EXOSC10: variants seen among roughly 807,000 people sequenced by gnomAD.
EXOSC10 encodes exosome component 10.
EXOSC10 carries 94 observed loss-of-function variants against 126.6 expected under a neutral mutation model. That is an observed-to-expected ratio of 0.74 (90% CI 0.63 to 0.88). The LOEUF (loss-of-function observed/expected upper bound fraction) is 0.88, where lower values mean the gene tolerates loss of function less well. Among genes scored for constraint, EXOSC10 ranks in the 40% least tolerant of loss-of-function variants. EXOSC10 has a pLI of 0.00. For missense variants in EXOSC10, 1,041 were observed against 1,100.5 expected, an observed-to-expected ratio of 0.95 and a Z score of 0.77; for synonymous variants, 395 against 400.8, an observed-to-expected ratio of 0.99 and a Z score of 0.17.
chr1:11,085,736 A>G (rs1384816431), intron 9 of EXOSC10, among the ~76,000 whole-genome samples: 2 of 151,830 alleles, frequency 1.3e-5, no homozygotes, highest in South Asian at 2.1e-4. Flanking sequence ...TTGCCCATTC[A>G]GTATGATATT....
Position 11,087,613 on chromosome 1 carries a change from G to A in EXOSC10, c.946-22C>T, listed in dbSNP as rs781656210. ...GGTGCTAAACCCCACAGAAGGAGGGGAGAAGAGGAAAAACAAAGATTATAT... is the reference window on the plus strand; with the variant it reads ...GGTGCTAAACCCCACAGAAGGAGGGAAGAAGAGGAAAAACAAAGATTATAT... On this transcript the variant is annotated intron_variant, in intron 8 of 24. Transcript: ENST00000376936. The A allele has an allele frequency of 9.3e-6, 15 of 1,611,246 alleles. No individual in the cohort carries two copies. In the Middle Eastern group the frequency reaches 4.9e-4, roughly 53 times the overall value.
At chr1:11,077,500 T>C in intron 15 of EXOSC10, 57 bp from the exon 16 acceptor site, 1 of 1,601,738 alleles carries the variant, frequency 6.2e-7, no homozygotes, top group South Asian at 1.1e-5. Context: ...GGCAGTAGCT[T>C]TCTGCCAGCT....
rs1220119181 is a variant in EXOSC10, at chr1:11,078,264, C to CTTTTTTTTTTTT, written c.1750-614_1750-613insAAAAAAAAAAAA. On this transcript the variant is annotated intron_variant, in intron 14 of 24. Coordinates refer to ENST00000376936, the MANE Select transcript of EXOSC10 (RefSeq NM_001001998.3). ...TGGGTGTCAGAGCAAGACCCTGTTT[C>CTTTTTTTTTTTT]TTTTTTTTTTTGAGACGGAGTCTCG... Among the ~76,000 whole-genome samples the CTTTTTTTTTTTT allele has an allele frequency of 3.6e-3, 516 of 143,586 alleles. 13 individuals carry two copies. The highest frequency in any genetic ancestry group is 0.013 in the African/African-American group (484 of 38,272). The allele number at this position is 143,586 out of a possible 152,430, so 94.2% of individuals were successfully genotyped here. A position where few individuals can be genotyped will look rare whatever the true frequency, so the allele number is the denominator to read the frequency against.
chr1:11,068,663 T>C lies in EXOSC10; in HGVS notation c.2532A>G (p.Lys844=). The C allele has an allele frequency of 6.2e-7, 1 of 1,614,154 alleles. No homozygotes were observed. ...TTCTTACCTTGCCAGACGGGGTCTG[T>C]TTATTTGGATCAAACTGAGAAGAAA... is the stretch of plus-strand genomic sequence containing the variant. ...SKVSSQFDPN[K]QTPSGKKCIA... The change falls in exon 23 of 25, where the codon AAA becomes AAG. Residue 844 remains lysine, a synonymous_variant. Coordinates refer to ENST00000376936, the MANE Select transcript of EXOSC10 (RefSeq NM_001001998.3).
chr1:11,066,882 G>A (rs1489068706), intron 24 of EXOSC10, 134 bp from the exon 25 acceptor site: 6 of 1,018,542 alleles, frequency 5.9e-6, no homozygotes, highest in African/African-American at 3.2e-5. Context: ...CAGAGAACTC[G>A]GCGGCCCACC....
At chr1:11,090,759 CTTTTT>C (rs890716203) in intron 5 of EXOSC10, 91 bp from the exon 6 acceptor site, 9 of 908,538 alleles carry the variant, frequency 9.9e-6, no homozygotes, top group South Asian at 2.0e-5. Context: ...TGTTTTTTGG[CTTTTT>C]TTTTTGAGAC....
chr1:11,066,739 C>A lies in EXOSC10; in HGVS notation c.2637G>T (p.Arg879Ser), dbSNP rs1187594102. Residue 879 changes from arginine (R) to serine (S), a missense_variant, in exon 25 of 25, where the codon AGG (arginine) becomes AGT (serine). Physicochemically the swap from Arg to Ser is moderately radical, Grantham distance 110. This residue lies in a region of EXOSC10 where 388 missense variants were observed against 415.2 expected (regional missense o/e 0.93). Coordinates refer to ENST00000376936, the MANE Select transcript of EXOSC10 (RefSeq NM_001001998.3). The stretch of plus-strand genomic sequence containing the variant: ...AGGACTATCTCTGTGGCCAGTTGTA[C>A]CTGAAGCCTCTGCAGAGAGTACAAA... ...FPTGKSDRGF[R>S]YNWPQR is the part of the protein sequence containing the mutation. 3 of 1,614,082 alleles carry A rather than the reference C, an allele frequency of 1.9e-6. No individual in the cohort carries two copies. Among genetic ancestry groups the A allele is most frequent in the Non-Finnish European group, 1.7e-6 (2 of 1,180,026 alleles).
intron 9 of EXOSC10, among the ~76,000 whole-genome samples, chr1:11,085,157 CT>C (rs987051880): frequency 6.6e-6 from 1 of 152,154 alleles, no homozygotes; most frequent in Admixed American, 6.6e-5. Context: ...TTTTCCAATT[CT>C]GTGAAGAAAG....
intron 2 of EXOSC10, among the ~76,000 whole-genome samples, 198 bp downstream of exon 2, chr1:11,097,822 A>G (rs17036324): frequency 0.041 from 6,180 of 152,330 alleles, 339 homozygotes; most frequent in African/African-American, 0.11. Context: ...ACAAAAGTCA[A>G]TACATTTTTT....
chr1:11,077,775 C>G, intron 14 of EXOSC10, 124 bp from the exon 15 acceptor site: 1 of 730,050 alleles, frequency 1.4e-6, no homozygotes, highest in Non-Finnish European at 2.3e-6. Context: ...GATTTTCTTT[C>G]CTCTCTTCAC....
In EXOSC10 at chr1:11,081,209, G is replaced by A. The variant is rs1447726585; in HGVS notation, c.1310C>T (p.Ala437Val). 24 of 1,614,062 alleles carry A rather than the reference G, an allele frequency of 1.5e-5. No homozygotes were observed. Among genetic ancestry groups the A allele is most frequent in the South Asian group, 5.5e-5 (5 of 91,090 alleles). Residue 437 changes from alanine to valine, a missense_variant, in exon 11 of 25, where the codon GCC becomes GTC. By Grantham distance (64) the Ala-to-Val change is moderately conservative. Around this residue, in one of 3 missense-constraint regions of EXOSC10, gnomAD observed 645 missense variants for 656.3 expected, o/e 0.98. Coordinates refer to ENST00000376936, the MANE Select transcript of EXOSC10 (RefSeq NM_001001998.3). ...TAGCAGGTAATGGGTGTCATCCCGG[G>A]CGTAGCTGAGCATCTCCTCGGGCAG... ...RPLPEEMLSY[A>V]RDDTHYLLYI...
intron 19 of EXOSC10, chr1:11,073,041 G>A (rs1016418599): frequency 6.6e-6 from 1 of 152,336 alleles, no homozygotes; most frequent in Non-Finnish European, 1.5e-5. Context: ...GCATCAAGCT[G>A]TATATTTAAT....
intron 16 of EXOSC10, 164 bp from the exon 17 acceptor site, chr1:11,077,112 C>T: frequency 1.6e-6 from 1 of 634,828 alleles, no homozygotes; most frequent in Non-Finnish European, 2.7e-6. Flanking sequence ...CTGCCTCTGC[C>T]TCCTAAGTAG....
chr1:11,072,406 T>G (rs919454467), intron 19 of EXOSC10: 2 of 453,366 alleles, frequency 4.4e-6, no homozygotes, highest in Non-Finnish European at 8.0e-6. Flanking sequence ...CATCATCTCA[T>G]TCAATCCCTC....
chr1:11,087,900 G>A lies in EXOSC10; in HGVS notation c.845C>T (p.Pro282Leu), dbSNP rs144984094. Reference protein sequence around the residue: ...LQKPQPQLYRPIEETPCHFIS... With the variant: ...LQKPQPQLYRLIEETPCHFIS... ...GAAATGGCATGGTGTCTCTTCTATAGGTCTGTATAACTGGATCAAGAGAAT... is the reference window on the plus strand; with the variant it reads ...GAAATGGCATGGTGTCTCTTCTATAAGTCTGTATAACTGGATCAAGAGAAT... Residue 282 changes from proline to leucine, a missense_variant, in exon 8 of 25, where the codon CCT (proline) becomes CTT (leucine). Physicochemically the swap from Pro to Leu is moderately conservative, Grantham distance 98. This residue lies in a region of EXOSC10 where 645 missense variants were observed against 656.3 expected (regional missense o/e 0.98). Transcript: ENST00000376936. 16 of 1,599,476 alleles carry A rather than the reference G, an allele frequency of 1.0e-5. No individual in the cohort carries two copies. The highest frequency in any genetic ancestry group is 1.2e-5 in the Non-Finnish European group (14 of 1,167,642).
intron 9 of EXOSC10, among the ~76,000 whole-genome samples, chr1:11,084,454 C>T (rs1382742800): frequency 1.3e-5 from 2 of 152,172 alleles, no homozygotes; most frequent in African/African-American, 2.4e-5. Flanking sequence ...TCATGTCCTT[C>T]ACCCACTTTT....
chr1:11,091,640 G>C lies in EXOSC10; in HGVS notation c.373-43C>G. ...ACTGGTTAAGCATTTTTCCTTTTGA[G>C]GTTAGCAGAGTTAACTACCTAACAT... On this transcript the variant is annotated intron_variant, in intron 3 of 24. Transcript: ENST00000376936. The C allele has an allele frequency of 2.1e-6, 3 of 1,462,806 alleles. No homozygotes were observed. The South Asian group carries it at 3.4e-5, about 17-fold the overall frequency. 90.6% of individuals were successfully genotyped at this position (1,462,806 alleles called of 1,614,324 possible). A position where few individuals can be genotyped will look rare whatever the true frequency, so the allele number is the denominator to read the frequency against.
chr1:11,081,496 C>T (rs984323491), intron 10 of EXOSC10, among the ~76,000 whole-genome samples: 8 of 152,200 alleles, frequency 5.3e-5, no homozygotes, highest in Non-Finnish European at 8.8e-5. Flanking sequence ...ACACAAGAGG[C>T]AGTAGAAAAG....
chr1:11,074,953 A>C (rs1227403098), intron 17 of EXOSC10, among the ~76,000 whole-genome samples: 2 of 152,208 alleles, frequency 1.3e-5, no homozygotes, highest in Non-Finnish European at 2.9e-5. Context: ...AGTGAATACA[A>C]GCAGACCAAG....
Sources: gnomAD v4.1 joint callset for allele counts (sites outside exome capture counted in the v4.1 genomes callset) on GRCh38, gnomAD v4.1.1 for gene constraint, gnomAD v4.1.1 regional missense constraint, MANE v1.5 for transcripts, NCBI Gene and HGNC (gene_info 2026-07-23, HGNC 2026-07-21) for gene names.